ADGRL4: variants seen among roughly 807,000 people sequenced by gnomAD.
ADGRL4 encodes the protein adhesion G protein-coupled receptor L4, also known as EGF, latrophilin and seven transmembrane domain containing 1.
In ADGRL4, 90 loss-of-function variants were observed where a neutral mutation model predicts 74.8. The observed-to-expected ratio is 1.20, with a 90% CI of 1.02 to 1.43. The LOEUF (loss-of-function observed/expected upper bound fraction) is 1.43, where lower values mean the gene tolerates loss of function less well. Among genes scored for constraint, ADGRL4 ranks in the 40% most tolerant of loss-of-function variants. ADGRL4 has a pLI of 0.00. For missense variants in ADGRL4, 881 were observed against 814.3 expected, an observed-to-expected ratio of 1.08 and a Z score of -1.00; for synonymous variants, 311 against 279.2, an observed-to-expected ratio of 1.11 and a Z score of -1.14.
At chr1:79,002,807 A>C (rs1453423069) in intron 2 of ADGRL4, among the ~76,000 whole-genome samples, 1 of 152,090 alleles carries the variant, frequency 6.6e-6, no homozygotes, top group Non-Finnish European at 1.5e-5. Flanking sequence ...AATGACGATC[A>C]AAGTGCTTAA....
At chr1:78,968,525 G>A (rs2100715090) in intron 2 of ADGRL4, among the ~76,000 whole-genome samples, 1 of 147,414 alleles carries the variant, frequency 6.8e-6, no homozygotes, top group South Asian at 2.2e-4. Flanking sequence ...GGGGAGACGG[G>A]GGTCGGCAAT....
In ADGRL4 at chr1:78,945,617, T is replaced by C. The variant is rs148755247; in HGVS notation, c.325+657A>G. Among the ~76,000 whole-genome samples, 64 of 152,192 alleles carry C rather than the reference T, an allele frequency of 4.2e-4. No homozygotes were observed. In the Middle Eastern group the frequency reaches 0.01, roughly 24 times the overall value. On this transcript the variant is annotated intron_variant, in intron 3 of 14. Coordinates refer to ENST00000370742, the MANE Select transcript of ADGRL4 (RefSeq NM_022159.4). ...AATCACATGCATGACCAAATTACAATAGAAGGATATTTTTAAAAATTGTCT... is the reference window on the plus strand; with the variant it reads ...AATCACATGCATGACCAAATTACAACAGAAGGATATTTTTAAAAATTGTCT...
chr1:78,917,179 C>T (rs962939791), intron 12 of ADGRL4, among the ~76,000 whole-genome samples: 5 of 151,636 alleles, frequency 3.3e-5, no homozygotes, highest in Non-Finnish European at 7.4e-5. Context: ...CAAAGATGAC[C>T]GATCATCGAT....
At chr1:78,923,864 G>A (rs1303227478) in intron 8 of ADGRL4, among the ~76,000 whole-genome samples, 1 of 151,732 alleles carries the variant, frequency 6.6e-6, no homozygotes, top group African/African-American at 2.4e-5. Context: ...TAAATACTAA[G>A]AGGAACAGAA....
chr1:78,969,666 C>T (rs1163827625), intron 2 of ADGRL4, among the ~76,000 whole-genome samples: 1 of 150,090 alleles, frequency 6.7e-6, no homozygotes, highest in African/African-American at 2.4e-5. Flanking sequence ...AGACTAAAGT[C>T]TGTTTTGCAA....
chr1:79,001,242 G>T (rs1650838279), intron 2 of ADGRL4, among the ~76,000 whole-genome samples: 1 of 137,064 alleles, frequency 7.3e-6, no homozygotes, highest in African/African-American at 2.7e-5. Context: ...AGGGAGGGAG[G>T]GAGGAAGGAA....
intron 2 of ADGRL4, among the ~76,000 whole-genome samples, chr1:78,988,607 T>A (rs1027285430): frequency 3.3e-5 from 5 of 151,854 alleles, no homozygotes; most frequent in African/African-American, 9.7e-5. Flanking sequence ...TCAACAGCCA[T>A]GGAACAGAAC....
chr1:78,937,695 TTCAATGTAA>T lies in ADGRL4; in HGVS notation c.760+103_760+111del, dbSNP rs1410170267. The T allele has an allele frequency of 9.9e-6, 9 of 908,650 alleles. No homozygotes were observed. In the Admixed American group the frequency reaches 1.7e-4, roughly 17 times the overall value. The allele number at this position is 908,650 out of a possible 1,614,324, so 56.3% of individuals were successfully genotyped here. On this transcript the variant is annotated intron_variant, in intron 6 of 14. Transcript: ENST00000370742. Reference sequence around the variant, plus strand: ...TCATTTGTACACTGATAAAACTACTTTCAATGTAATCAATACTAGTTTCAACACCATGCC... The same window carrying T: ...TCATTTGTACACTGATAAAACTACTTTCAATACTAGTTTCAACACCATGCC...
At chr1:78,926,160 A>G (rs1455750949) in intron 8 of ADGRL4, among the ~76,000 whole-genome samples, 2 of 152,092 alleles carry the variant, frequency 1.3e-5, no homozygotes, top group Non-Finnish European at 2.9e-5. Context: ...ATGCAAATAT[A>G]ATTGCTCAAC....
At chr1:78,997,328 C>T (rs1225672387) in intron 2 of ADGRL4, among the ~76,000 whole-genome samples, 2 of 152,136 alleles carry the variant, frequency 1.3e-5, no homozygotes, top group Non-Finnish European at 2.9e-5. Flanking sequence ...CCCGCAACCA[C>T]CCTTGCAAGA....
chr1:78,969,934 G>A (rs979279075), intron 2 of ADGRL4, among the ~76,000 whole-genome samples: 2 of 152,118 alleles, frequency 1.3e-5, no homozygotes, highest in African/African-American at 4.8e-5. Context: ...CAATTATCCT[G>A]CAAATCCTGC....
intron 2 of ADGRL4, among the ~76,000 whole-genome samples, chr1:78,960,954 C>T (rs990117435): frequency 6.6e-5 from 10 of 152,102 alleles, no homozygotes; most frequent in African/African-American, 2.4e-4. Context: ...ATGAAAAAGA[C>T]AAATCTATAG....
chr1:78,944,690 GT>G (rs1357260780), intron 3 of ADGRL4, among the ~76,000 whole-genome samples: 1 of 152,082 alleles, frequency 6.6e-6, no homozygotes, highest in African/African-American at 2.4e-5. Flanking sequence ...ATAACAAAGG[GT>G]TTTTAGATAC....
chr1:78,988,996 A>C (rs7538069), intron 2 of ADGRL4, among the ~76,000 whole-genome samples: 1 of 151,660 alleles, frequency 6.6e-6, no homozygotes, highest in Admixed American at 6.6e-5. Context: ...TATATACTAA[A>C]ATCTGTCATC....
intron 2 of ADGRL4, among the ~76,000 whole-genome samples, chr1:78,990,262 T>C (rs181187429): frequency 1.6e-4 from 25 of 151,976 alleles, no homozygotes; most frequent in African/African-American, 5.5e-4. Flanking sequence ...TCTAAGTGTG[T>C]CATATTTCTA....
In ADGRL4 at chr1:78,945,154, G is replaced by C. The variant is rs1016175354; in HGVS notation, c.325+1120C>G. Among the ~76,000 whole-genome samples, 457 of 99,416 alleles carry C rather than the reference G, an allele frequency of 4.6e-3. 6 individuals carry two copies. Among genetic ancestry groups the C allele is most frequent in the Non-Finnish European group, 1.4e-3 (70 of 48,898 alleles). The allele number at this position is 99,416 out of a possible 152,430, so 65.2% of individuals were successfully genotyped here. A position where few individuals can be genotyped will look rare whatever the true frequency, so the allele number is the denominator to read the frequency against. On this transcript the variant is annotated intron_variant, in intron 3 of 14. Coordinates refer to ENST00000370742, the MANE Select transcript of ADGRL4 (RefSeq NM_022159.4). ...CACTCCAGCCTGGGCGACAGAGCGA[G>C]ACTCTGTCTCAAAAAAAAAAAAAAT...
intron 12 of ADGRL4, among the ~76,000 whole-genome samples, chr1:78,897,309 A>T (rs1027479330): frequency 2.0e-5 from 3 of 152,074 alleles, no homozygotes; most frequent in African/African-American, 7.2e-5. Context: ...ATTTCTGATA[A>T]GTCAGTTTAG....
chr1:78,955,219 T>C (rs1161018313), intron 2 of ADGRL4, among the ~76,000 whole-genome samples: 1 of 152,136 alleles, frequency 6.6e-6, no homozygotes, highest in Non-Finnish European at 1.5e-5. Flanking sequence ...TATATTTACA[T>C]GACATTTATT....
intron 2 of ADGRL4, among the ~76,000 whole-genome samples, chr1:78,987,245 A>C (rs1215682077): frequency 6.6e-6 from 1 of 151,822 alleles, no homozygotes; most frequent in Non-Finnish European, 1.5e-5. Context: ...TGAATGACTC[A>C]GCAATAGCAG....
Sources: allele counts gnomAD v4.1 joint callset (sites outside exome capture counted in the v4.1 genomes callset), GRCh38; gene constraint gnomAD v4.1.1; transcripts MANE v1.5; gene names NCBI Gene and HGNC (gene_info 2026-07-23, HGNC 2026-07-21).